NBN: variants seen among roughly 807,000 people sequenced by gnomAD.
The protein encoded by NBN is nibrin.
A neutral mutation model predicts 90.8 loss-of-function variants in NBN; 88 were observed. The ratio of observed to expected loss-of-function variants is 0.97; its 90% CI spans 0.82 to 1.16. The LOEUF (loss-of-function observed/expected upper bound fraction) is 1.16. Among genes scored for constraint, NBN ranks in the 50% most tolerant of loss-of-function variants. The pLI, the probability that NBN is intolerant of heterozygous loss-of-function variation, is 0.00. For synonymous variants in NBN, 328 were observed against 295.1 expected (o/e 1.11, Z -1.14); for missense variants, 894 against 869.6 (o/e 1.03, Z -0.35).
intron 7 of NBN, among the ~76,000 whole-genome samples, chr8:89,965,640 C>A (rs566041609): frequency 6.6e-6 from 1 of 152,168 alleles, no homozygotes; most frequent in South Asian, 2.1e-4. Context: ...CAGGCGCGCA[C>A]CAACACACCC....
chr8:89,960,191 TTAC>T (rs1810926292), intron 8 of NBN, among the ~76,000 whole-genome samples: 1 of 152,206 alleles, frequency 6.6e-6, no homozygotes, highest in Non-Finnish European at 1.5e-5. Flanking sequence ...TGCTTAATAT[TTAC>T]TACTAATTCT....
chr8:89,980,517 T>C (rs1325618206), intron 4 of NBN, among the ~76,000 whole-genome samples: 4 of 152,026 alleles, frequency 2.6e-5, no homozygotes, highest in Non-Finnish European at 5.9e-5. Flanking sequence ...ATCTGAAATA[T>C]AATTTTAGTT....
At chr8:89,966,045 G>A (rs1395884167) in intron 7 of NBN, among the ~76,000 whole-genome samples, 3 of 152,194 alleles carry the variant, frequency 2.0e-5, no homozygotes, top group Non-Finnish European at 4.4e-5. Flanking sequence ...TATAAAGAAT[G>A]GTTACATAAA....
chr8:89,937,024 A>C lies in NBN; in HGVS notation c.2234+2T>G, dbSNP rs142301194. Reference sequence around the variant, plus strand: ...ACATGAGAAAGGTGAATCAAACTTTACCTAAAAAGATCATCAGCAAGAGAC... The same window carrying C: ...ACATGAGAAAGGTGAATCAAACTTTCCCTAAAAAGATCATCAGCAAGAGAC... On this transcript the variant is annotated splice_donor_variant, in intron 15 of 15. Transcript: ENST00000265433. LOFTEE classifies it high-confidence loss of function. The C allele has an allele frequency of 4.4e-6, 7 of 1,606,508 alleles. No homozygotes were observed. Among genetic ancestry groups the C allele is most frequent in the African/African-American group, 1.3e-5 (1 of 74,782 alleles).
In NBN at chr8:89,934,411, G is replaced by T. The variant is rs1191859132; in HGVS notation, c.*1171C>A. 1 of 232,944 alleles carries T rather than the reference G, an allele frequency of 4.3e-6. No homozygotes were observed. Among genetic ancestry groups the T allele is most frequent in the Non-Finnish European group, 8.5e-6 (1 of 117,938 alleles). The allele number at this position is 232,944 out of a possible 1,614,324, so 14.4% of individuals were successfully genotyped here. A position where few individuals can be genotyped will look rare whatever the true frequency, so the allele number is the denominator to read the frequency against. ...GAAGGCTGAGAAGCTTTTAAAAAAA[G>T]ACCTTCATTTCCCTAACTCCCTTGC... On this transcript the variant is annotated 3_prime_UTR_variant, in exon 16 of 16. Coordinates refer to ENST00000265433, the MANE Select transcript of NBN (RefSeq NM_002485.5).
intron 10 of NBN, 84 bp downstream of exon 10, chr8:89,955,199 G>C: frequency 7.4e-7 from 1 of 1,351,688 alleles, no homozygotes; most frequent in African/African-American, 1.4e-5. Flanking sequence ...AATCAGAACA[G>C]ACTAAAGACA....
At chr8:89,958,579 T>C (rs1810838965) in intron 9 of NBN, 146 bp downstream of exon 9, 3 of 1,016,388 alleles carry the variant, frequency 3.0e-6, no homozygotes, top group African/African-American at 1.6e-5. Flanking sequence ...TGCTGACCCT[T>C]GTCCTAAGAT....
At chr8:89,940,960 T>A (rs1295758705) in intron 14 of NBN, among the ~76,000 whole-genome samples, 2 of 152,188 alleles carry the variant, frequency 1.3e-5, no homozygotes, top group Admixed American at 1.3e-4. Context: ...GCAGAGACAT[T>A]AAGTAATTTG....
At position 89,943,025 on chromosome 8, in the gene NBN, T is replaced by G. The variant is rs6470524; in HGVS notation, c.2184+228A>C. Reference sequence around the variant, plus strand: ...TTTTCATTAGGATGTAAACTGAATTTCTTAGGTCTCACCTTTTTTTTTTTT... The same window carrying G: ...TTTTCATTAGGATGTAAACTGAATTGCTTAGGTCTCACCTTTTTTTTTTTT... On this transcript the variant is annotated intron_variant, in intron 14 of 15. Coordinates refer to ENST00000265433, the MANE Select transcript of NBN (RefSeq NM_002485.5). Among the ~76,000 whole-genome samples the G allele has an allele frequency of 0.31, 45,793 of 150,110 alleles. 7,201 individuals carry two copies. The highest frequency in any genetic ancestry group is 0.45 in the East Asian group (2,287 of 5,122).
intron 11 of NBN, among the ~76,000 whole-genome samples, chr8:89,950,416 A>G (rs1810394090): frequency 6.6e-6 from 1 of 152,070 alleles, no homozygotes; most frequent in South Asian, 2.1e-4. Context: ...TTAGGAAATA[A>G]TAATTTTTAA....
intron 5 of NBN, among the ~76,000 whole-genome samples, chr8:89,973,052 T>A (rs1811588042): frequency 1.3e-5 from 2 of 152,218 alleles, no homozygotes; most frequent in African/African-American, 4.8e-5. Flanking sequence ...ATGTGTATGG[T>A]AGCCTGTTAG....
At chr8:89,976,299 T>G (rs1811754633) in intron 5 of NBN, among the ~76,000 whole-genome samples, 2 of 152,194 alleles carry the variant, frequency 1.3e-5, no homozygotes, top group Non-Finnish European at 2.9e-5. Flanking sequence ...AGGAGTTCAG[T>G]CAGGGTGGTG....
At chr8:89,972,307 T>G (rs1811555496) in intron 5 of NBN, among the ~76,000 whole-genome samples, 1 of 152,250 alleles carries the variant, frequency 6.6e-6, no homozygotes, top group Admixed American at 6.5e-5. Context: ...TGATAACTGA[T>G]GCATGTATTT....
chr8:89,970,730 C>T (rs1267136150), intron 6 of NBN, 173 bp from the exon 7 acceptor site: 1 of 183,494 alleles, frequency 5.4e-6, no homozygotes, highest in Non-Finnish European at 1.0e-5. Flanking sequence ...GTCTCTGCGG[C>T]CCTGGAACTG....
intron 11 of NBN, among the ~76,000 whole-genome samples, chr8:89,949,137 A>C (rs954658895): frequency 6.6e-6 from 1 of 152,224 alleles, no homozygotes; most frequent in African/African-American, 2.4e-5. Context: ...TGAGTGAATT[A>C]CACAGTGAAA....
At position 89,970,470 on chromosome 8, in the gene NBN, A is replaced by G. The variant is rs2129829667; in HGVS notation, c.790T>C (p.Leu264=). The G allele has an allele frequency of 6.2e-7, 1 of 1,614,022 alleles. No individual in the cohort carries two copies. Among genetic ancestry groups the G allele is most frequent in the Non-Finnish European group, 8.5e-7 (1 of 1,179,912 alleles). ...EENEEEHNFF[L]APGTCVVDTG... ...TCAACAACACACGTTCCCGGAGCCA[A>G]AAAGAAATTATGTTCTTCTTCATTC... Residue 264 remains leucine, a synonymous_variant, in exon 7 of 16, where the codon TTG becomes CTG. Coordinates refer to ENST00000265433, the MANE Select transcript of NBN (RefSeq NM_002485.5).
At chr8:89,984,490 G>C in intron 1 of NBN, 35 bp downstream of exon 1, 5 of 1,598,198 alleles carry the variant, frequency 3.1e-6, no homozygotes, top group Non-Finnish European at 4.3e-6. Context: ...TCGCTACCGG[G>C]AAAATAGGCC....
In NBN at chr8:89,933,817, T is replaced by G. The variant is rs550722012; in HGVS notation, c.*1765A>C. 3.9e-5 allele frequency: 9 copies of G among 232,552 alleles called. No homozygotes were observed. The highest frequency in any genetic ancestry group is 1.8e-4 in the African/African-American group (8 of 45,418). The allele number at this position is 232,552 out of a possible 1,614,324, so 14.4% of individuals were successfully genotyped here. ...CAGTCAAGCCACAGACTAGGTGTAA[T>G]ATCTCAATACATATATCCGACAAGA... On this transcript the variant is annotated 3_prime_UTR_variant, in exon 16 of 16. Coordinates refer to ENST00000265433, the MANE Select transcript of NBN (RefSeq NM_002485.5).
chr8:89,958,657 A>T, intron 9 of NBN, 68 bp downstream of exon 9: 1 of 1,537,092 alleles, frequency 6.5e-7, no homozygotes, highest in Non-Finnish European at 9.0e-7. Context: ...AAAGGGCATT[A>T]CTTCCTGAAT....
Sources: gnomAD v4.1 joint callset for allele counts (sites outside exome capture counted in the v4.1 genomes callset) on GRCh38, gnomAD v4.1.1 for gene constraint, MANE v1.5 for transcripts, NCBI Gene and HGNC (gene_info 2026-07-23, HGNC 2026-07-21) for gene names.